The following FADS3 variants were observed in gnomAD, a reference collection of about 807,000 sequenced individuals.
FADS3 encodes cytochrome b5-related protein.
Under a neutral mutation model 60.4 loss-of-function variants are expected in FADS3, and 30 were observed. The observed-to-expected ratio is 0.50, with a 90% confidence interval of 0.37 to 0.67. FADS3 has a LOEUF of 0.67. Among genes scored for constraint, FADS3 ranks in the 30% least tolerant of loss-of-function variants. FADS3 has a pLI of 0.00. For missense variants in FADS3, 432 were observed against 598.3 expected (o/e 0.72, Z 2.90); for synonymous variants, 234 against 249.3 (o/e 0.94, Z 0.58).
At chr11:61,881,154 C>T (rs1421502183) in intron 1 of FADS3, 1 of 151,912 alleles carries the variant, frequency 6.6e-6, no homozygotes, top group African/African-American at 2.4e-5. Context: ...TCTATTTTTA[C>T]AAAAAAGAAA....
intron 1 of FADS3, 31 bp from the exon 2 acceptor site, chr11:61,880,182 A>G: frequency 6.3e-7 from 1 of 1,584,474 alleles, no homozygotes. Context: ...AGGCGGACAG[A>G]CAGACACAGC....
chr11:61,874,606 C>T (rs1422191152), intron 11 of FADS3, among the ~76,000 whole-genome samples: 3 of 152,200 alleles, frequency 2.0e-5, no homozygotes, highest in East Asian at 1.9e-4. Flanking sequence ...GCAAGCCGGG[C>T]GTGTCCCTTC....
At chr11:61,879,720 C>T (rs982070375) in intron 2 of FADS3, among the ~76,000 whole-genome samples, 4 of 152,176 alleles carry the variant, frequency 2.6e-5, no homozygotes, top group Non-Finnish European at 4.4e-5. Flanking sequence ...GTGGGTAAGA[C>T]GCTACAGCCA....
intron 1 of FADS3, among the ~76,000 whole-genome samples, 187 bp downstream of exon 1, chr11:61,890,982 G>C (rs962147691): frequency 6.6e-6 from 1 of 152,200 alleles, no homozygotes; most frequent in African/African-American, 2.4e-5. Flanking sequence ...TCCACGCAGG[G>C]AACTGCCCTC....
chr11:61,876,764 C>T lies in FADS3; in HGVS notation c.983+102G>A. 2 of 942,744 alleles carry T rather than the reference C, an allele frequency of 2.1e-6. No individual in the cohort carries two copies. Among genetic ancestry groups the T allele is most frequent in the Non-Finnish European group, 3.4e-6 (2 of 595,970 alleles). The allele number at this position is 942,744 out of a possible 1,614,324, so 58.4% of individuals were successfully genotyped here. On this transcript the variant is annotated intron_variant, in intron 8 of 11. Transcript: ENST00000278829. The surrounding 1 kb of genome is among the most constrained non-coding windows in gnomAD (Gnocchi z 5.7). The stretch of plus-strand genomic sequence containing the variant: ...CCACCAGCAAGCCAGGGAGGCAGTA[C>T]CACTGGCCCCATTCTGCAGACGGGA...
rs1473565401 is a variant in FADS3, at chr11:61,878,837, C to T, written c.533G>A (p.Trp178Ter). The T allele has an allele frequency of 6.2e-7, 1 of 1,613,932 alleles. No homozygotes were observed. The highest frequency in any genetic ancestry group is 8.5e-7 in the Non-Finnish European group (1 of 1,179,950). Residue 178 changes from tryptophan to a stop codon, truncating the protein, a stop_gained, in exon 4 of 12, where the codon TGG (tryptophan) becomes TAG (stop). Transcript: ENST00000278829. LOFTEE classifies it high-confidence loss of function. ...FILAISQAQS[W>*]CLQHDLGHAS... Reference sequence around the variant, plus strand: ...ATGGCCCAGGTCATGCTGCAGACACCAGGACTGAGCCTGGGGAGAGAGGCA... The same window carrying T: ...ATGGCCCAGGTCATGCTGCAGACACTAGGACTGAGCCTGGGGAGAGAGGCA...
Position 61,873,823 on chromosome 11 carries a change from G to A in FADS3, c.1329C>T (p.Leu443=). The change falls in exon 12 of 12, where the codon CTC becomes CTT. Residue 443 remains leucine (L), a synonymous_variant. Coordinates refer to ENST00000278829, the MANE Select transcript of FADS3 (RefSeq NM_021727.5). ...KSGDIWLDAY[L]HQ ...CGCCTGGGTGTTGCCTTCACTGATGGAGGTAGGCGTCCAGCCAGATGTCAC... is the reference window on the plus strand; with the variant it reads ...CGCCTGGGTGTTGCCTTCACTGATGAAGGTAGGCGTCCAGCCAGATGTCAC... 6.2e-7 allele frequency: 1 copy of A among 1,611,808 alleles called. No homozygotes were observed. Among genetic ancestry groups the A allele is most frequent in the Non-Finnish European group, 8.5e-7 (1 of 1,179,172 alleles).
chr11:61,878,062 C>T, intron 6 of FADS3, 93 bp downstream of exon 6: 1 of 1,146,626 alleles, frequency 8.7e-7, no homozygotes, highest in South Asian at 1.2e-5. Flanking sequence ...ACGTGCCCCG[C>T]CCCAGGAAGT....
At position 61,891,280 on chromosome 11, in the gene FADS3, G is replaced by A. The variant is rs1272063829; in HGVS notation, c.102C>T (p.Pro34=). 1.3e-6 allele frequency: 2 copies of A among 1,537,504 alleles called. No individual in the cohort carries two copies. Among genetic ancestry groups the A allele is most frequent in the South Asian group, 1.2e-5 (1 of 83,990 alleles). The change falls in exon 1 of 12, where the codon CCC becomes CCT. Residue 34 remains proline, a synonymous_variant. Coordinates refer to ENST00000278829, the MANE Select transcript of FADS3 (RefSeq NM_021727.5). ...GCTCGATGACCAGCCACTTGTCGCCGGGCTGGTCGTGCGCGCGGATCTGCT... is the reference window on the plus strand; with the variant it reads ...GCTCGATGACCAGCCACTTGTCGCCAGGCTGGTCGTGCGCGCGGATCTGCT... ...CWEQIRAHDQ[P]GDKWLVIERR... is the part of the protein sequence containing the mutation.
Position 61,877,900 on chromosome 11 carries a change from G to C in FADS3, c.808+255C>G. On this transcript the variant is annotated intron_variant, in intron 6 of 11. Coordinates refer to ENST00000278829, the MANE Select transcript of FADS3 (RefSeq NM_021727.5). The surrounding 1 kb of genome is among the most constrained non-coding windows in gnomAD (Gnocchi z 4.7). Reference sequence around the variant, plus strand: ...GTGAGGGCAAGAAGAAATTCTACGTGGGGCTTGGGGAAGCTCCCAGCAGGG... The same window carrying C: ...GTGAGGGCAAGAAGAAATTCTACGTCGGGCTTGGGGAAGCTCCCAGCAGGG... 3.4e-6 allele frequency: 2 copies of C among 594,646 alleles called. No homozygotes were observed. The highest frequency in any genetic ancestry group is 4.0e-5 in the South Asian group (2 of 49,616). The allele number at this position is 594,646 out of a possible 1,614,324, so 36.8% of individuals were successfully genotyped here. A position where few individuals can be genotyped will look rare whatever the true frequency, so the allele number is the denominator to read the frequency against.
In FADS3 at chr11:61,879,445, G is replaced by T; in HGVS notation, c.389C>A (p.Ala130Asp). 1 of 1,606,252 alleles carries T rather than the reference G, an allele frequency of 6.2e-7. No individual in the cohort carries two copies. The highest frequency in any genetic ancestry group is 8.5e-7 in the Non-Finnish European group (1 of 1,177,126). Reference protein sequence around the residue: ...QAAEDMKLFDASPTFFAFLLG... With the variant: ...QAAEDMKLFDDSPTFFAFLLG... ...TAGGAAAGCAAAGAAGGTGGGACTG[G>T]CATCAAACAGCTTCATGTCCTCGGC... Residue 130 changes from alanine (A) to aspartate (D), a missense_variant, in exon 3 of 12, where the codon GCC becomes GAC. This residue lies in a region of FADS3 where 167 missense variants were observed against 188.8 expected (regional missense o/e 0.88). Coordinates refer to ENST00000278829, the MANE Select transcript of FADS3 (RefSeq NM_021727.5).
At position 61,873,849 on chromosome 11, in the gene FADS3, C is replaced by T; in HGVS notation, c.1303G>A (p.Gly435Ser). The T allele has an allele frequency of 6.2e-7, 1 of 1,608,466 alleles. No homozygotes were observed. Among genetic ancestry groups the T allele is most frequent in the Non-Finnish European group, 8.5e-7 (1 of 1,177,512 alleles). The stretch of plus-strand genomic sequence containing the variant: ...AGGTAGGCGTCCAGCCAGATGTCAC[C>T]AGACTTCTTCAGGGACCTGGGAGGT... Reference protein sequence around the residue: ...VDIVRSLKKSGDIWLDAYLHQ With the variant: ...VDIVRSLKKSSDIWLDAYLHQ The change falls in exon 12 of 12, where the codon GGT becomes AGT. Residue 435 changes from glycine to serine, a missense_variant. By Grantham distance (56) the Gly-to-Ser change is moderately conservative. Transcript: ENST00000278829.
Position 61,877,681 on chromosome 11 carries a change from C to T in FADS3, c.809-94G>A. 8.6e-7 allele frequency: 1 copy of T among 1,162,424 alleles called. No homozygotes were observed. The highest frequency in any genetic ancestry group is 1.3e-6 in the Non-Finnish European group (1 of 798,226). 72.0% of individuals were successfully genotyped at this position (1,162,424 alleles called of 1,614,324 possible). ...AGGGGCTCTGTTACTCCAGGAATGCCCCTGGGACGTTGGTGCTGGTCACAT... is the reference window on the plus strand; with the variant it reads ...AGGGGCTCTGTTACTCCAGGAATGCTCCTGGGACGTTGGTGCTGGTCACAT... On this transcript the variant is annotated intron_variant, in intron 6 of 11. Coordinates refer to ENST00000278829, the MANE Select transcript of FADS3 (RefSeq NM_021727.5). The surrounding 1 kb of genome is among the most constrained non-coding windows in gnomAD (Gnocchi z 4.7).
intron 1 of FADS3, among the ~76,000 whole-genome samples, chr11:61,884,284 A>G (rs1415300862): frequency 3.9e-5 from 6 of 152,106 alleles, no homozygotes; most frequent in Non-Finnish European, 5.9e-5. Context: ...CAGGGAAGGG[A>G]ACATCACACA....
rs150144597 is a variant in FADS3 at position 61,888,897 on chromosome 11, TTTTG to T, written c.213+2268_213+2271del. 6.8e-3 allele frequency among the ~76,000 whole-genome samples: 1,033 copies of T among 152,242 alleles called. 8 individuals carry two copies. The highest frequency in any genetic ancestry group is 0.022 in the African/African-American group (925 of 41,544). On this transcript the variant is annotated intron_variant, in intron 1 of 11. Coordinates refer to ENST00000278829, the MANE Select transcript of FADS3 (RefSeq NM_021727.5). ...CGGCCCCAAGGAGCAGAGAGATGTTTTTTGTTTGTTTGTTTGAGACGGAGTTTTG... is the reference window on the plus strand; with the variant it reads ...CGGCCCCAAGGAGCAGAGAGATGTTTTTTGTTTGTTTGAGACGGAGTTTTG...
rs768484671 is a variant in FADS3 at position 61,877,290 on chromosome 11, CCT to C, written c.885+219_885+220del. 37 of 273,386 alleles carry C rather than the reference CCT, an allele frequency of 1.4e-4. No individual in the cohort carries two copies. Among genetic ancestry groups the C allele is most frequent in the Admixed American group, 2.5e-4 (5 of 19,744 alleles). 16.9% of individuals were successfully genotyped at this position (273,386 alleles called of 1,614,324 possible). A position where few individuals can be genotyped will look rare whatever the true frequency, so the allele number is the denominator to read the frequency against. On this transcript the variant is annotated intron_variant, in intron 7 of 11. Transcript: ENST00000278829. The surrounding 1 kb of genome is among the most constrained non-coding windows in gnomAD (Gnocchi z 4.7). ...CTCACCGAGAGAGACCCACACCCCC[CCT>C]GTTCCTCAACCCCCCCCCACCACAC...
chr11:61,874,251 G>A (rs1937787756), intron 11 of FADS3, among the ~76,000 whole-genome samples: 1 of 152,226 alleles, frequency 6.6e-6, no homozygotes, highest in African/African-American at 2.4e-5. Context: ...TTGGTCAGTG[G>A]AGCCAGAAAT....
Position 61,878,852 on chromosome 11 carries a change from G to GGA in FADS3, c.523-7_523-6dup, listed in dbSNP as rs751568238. On this transcript the variant is annotated splice_region_variant and splice_polypyrimidine_tract_variant and intron_variant, in intron 3 of 11. Transcript: ENST00000278829. Reference sequence around the variant, plus strand: ...CTGCAGACACCAGGACTGAGCCTGGGGAGAGAGGCAGGGTCAGAAGCTGTT... The same window carrying GGA: ...CTGCAGACACCAGGACTGAGCCTGGGGAGAGAGAGGCAGGGTCAGAAGCTGTT... 2 of 1,613,332 alleles carry GGA rather than the reference G, an allele frequency of 1.2e-6. No individual in the cohort carries two copies. The highest frequency in any genetic ancestry group is 4.5e-5 in the East Asian group (2 of 44,870).
At chr11:61,882,199 C>T (rs556459327) in intron 1 of FADS3, 2 of 148,924 alleles carry the variant, frequency 1.3e-5, no homozygotes, top group African/African-American at 5.0e-5. Context: ...CAGCCTCAAC[C>T]TCCCGGGCTC....
Sources: gnomAD v4.1 joint callset for allele counts (sites outside exome capture counted in the v4.1 genomes callset) on GRCh38, gnomAD v4.1.1 for gene constraint, gnomAD v4.1.1 regional missense constraint, Gnocchi (gnomAD v3.1) non-coding constraint, MANE v1.5 for transcripts, NCBI Gene and HGNC (gene_info 2026-07-23, HGNC 2026-07-21) for gene names.